The following RSRC1 variants were observed in gnomAD, a reference collection of about 807,000 sequenced individuals.
RSRC1 encodes the protein arginine and serine rich coiled-coil 1, also known as serine/Arginine-related protein 53.
A neutral mutation model predicts 49.1 loss-of-function variants in RSRC1; 39 were observed. The ratio of observed to expected loss-of-function variants is 0.79; its 90% CI spans 0.61 to 1.04. The LOEUF (loss-of-function observed/expected upper bound fraction) is 1.04, where lower values mean the gene tolerates loss of function less well. RSRC1 is among the 50% of genes least tolerant of loss of function. RSRC1 has a pLI of 0.00. For synonymous variants in RSRC1, 143 were observed against 130.8 expected, an observed-to-expected ratio of 1.09 and a Z score of -0.63; for missense variants, 388 against 402.4, an observed-to-expected ratio of 0.96 and a Z score of 0.31.
chr3:158,246,046 G>T (rs191121413), intron 4 of RSRC1, among the ~76,000 whole-genome samples: 1 of 152,124 alleles, frequency 6.6e-6, no homozygotes, highest in African/African-American at 2.4e-5. Flanking sequence ...TTTAAGGATA[G>T]CATTGTTCGC....
intron 4 of RSRC1, among the ~76,000 whole-genome samples, chr3:158,292,625 A>C (rs1727002371): frequency 6.6e-6 from 1 of 152,216 alleles, no homozygotes; most frequent in Non-Finnish European, 1.5e-5. Context: ...GAGACAGACC[A>C]CTAAAGAGGA....
chr3:158,277,791 A>T (rs996592121), intron 4 of RSRC1, among the ~76,000 whole-genome samples: 1 of 151,938 alleles, frequency 6.6e-6, no homozygotes, highest in Admixed American at 6.6e-5. Context: ...TTATTTATTT[A>T]TTTTTTGTTT....
chr3:158,258,161 A>T (rs949473985), intron 4 of RSRC1, among the ~76,000 whole-genome samples: 1 of 126,256 alleles, frequency 7.9e-6, no homozygotes, highest in Non-Finnish European at 1.7e-5. Flanking sequence ...ATGATTTCTT[A>T]TGCTCATTAA....
chr3:158,215,290 TATAG>T (rs935125672), intron 4 of RSRC1, among the ~76,000 whole-genome samples: 1 of 140,940 alleles, frequency 7.1e-6, no homozygotes, highest in Admixed American at 7.6e-5. Context: ...GTTTCTTGCA[TATAG>T]ATAGTTTTTT....
At chr3:158,328,085 G>A (rs1202969257) in intron 5 of RSRC1, among the ~76,000 whole-genome samples, 1 of 151,996 alleles carries the variant, frequency 6.6e-6, no homozygotes, top group Non-Finnish European at 1.5e-5. Context: ...CATTTGCTTG[G>A]TAGATCTTCC....
intron 3 of RSRC1, among the ~76,000 whole-genome samples, chr3:158,168,341 T>C (rs1718660229): frequency 1.3e-5 from 2 of 152,206 alleles, no homozygotes; most frequent in South Asian, 2.1e-4. Flanking sequence ...GAACCTCCAG[T>C]TGATCTAGAG....
At chr3:158,234,890 A>G (rs1288459408) in intron 4 of RSRC1, among the ~76,000 whole-genome samples, 1 of 152,160 alleles carries the variant, frequency 6.6e-6, no homozygotes, top group Non-Finnish European at 1.5e-5. Flanking sequence ...ATGTATATTC[A>G]GTCTCTGTAG....
intron 4 of RSRC1, among the ~76,000 whole-genome samples, chr3:158,286,109 A>G (rs1350647930): frequency 6.6e-6 from 1 of 152,230 alleles, no homozygotes; most frequent in African/African-American, 2.4e-5. Flanking sequence ...GCAAGTATAA[A>G]TGACCAGGTT....
intron 4 of RSRC1, among the ~76,000 whole-genome samples, chr3:158,273,002 C>T (rs1326050190): frequency 6.6e-6 from 1 of 151,808 alleles, no homozygotes; most frequent in Non-Finnish European, 1.5e-5. Flanking sequence ...TCTTATATAA[C>T]TATGAGTACT....
At chr3:158,506,034 T>C (rs1272275754) in intron 7 of RSRC1, among the ~76,000 whole-genome samples, 2 of 152,268 alleles carry the variant, frequency 1.3e-5, no homozygotes, top group Non-Finnish European at 1.5e-5. Context: ...AGGACAATGA[T>C]GTGGGCAAGG....
chr3:158,296,665 C>A lies in RSRC1; in HGVS notation c.495-1374C>A, dbSNP rs1029489786. ...TTATATAGATAGTAGCCTTCTCTCA[C>A]ACCTTGCAGTAATTTATTCTTATCA... On this transcript the variant is annotated intron_variant, in intron 4 of 9. Transcript: ENST00000611884. 3.4e-4 allele frequency among the ~76,000 whole-genome samples: 51 copies of A among 152,206 alleles called. 1 individual carries two copies. The highest frequency in any genetic ancestry group is 2.2e-3 in the Admixed American group (33 of 15,264).
intron 4 of RSRC1, among the ~76,000 whole-genome samples, chr3:158,231,286 C>T (rs1722935207): frequency 6.6e-6 from 1 of 151,664 alleles, no homozygotes; most frequent in Admixed American, 6.6e-5. Flanking sequence ...CAGGTGCGTG[C>T]CACCACACCC....
intron 5 of RSRC1, among the ~76,000 whole-genome samples, chr3:158,351,930 T>G (rs1459573900): frequency 6.8e-6 from 1 of 147,044 alleles, no homozygotes; most frequent in East Asian, 1.9e-4. Flanking sequence ...TATATATAAA[T>G]ATATATAATA....
intron 7 of RSRC1, among the ~76,000 whole-genome samples, chr3:158,515,218 A>G (rs2108480550): frequency 6.6e-6 from 1 of 151,880 alleles, no homozygotes; most frequent in East Asian, 1.9e-4. Context: ...AGTTGGCATG[A>G]TTTTGCAGCG....
intron 7 of RSRC1, among the ~76,000 whole-genome samples, chr3:158,506,891 A>C (rs1263523634): frequency 6.6e-6 from 1 of 150,504 alleles, no homozygotes; most frequent in Non-Finnish European, 1.5e-5. Flanking sequence ...TATTTTATGT[A>C]TATATCCCAA....
chr3:158,168,482 A>G (rs1718668456), intron 3 of RSRC1, among the ~76,000 whole-genome samples: 1 of 152,208 alleles, frequency 6.6e-6, no homozygotes, highest in Non-Finnish European at 1.5e-5. Context: ...TGGTTTTTCC[A>G]TGTGATTTGT....
chr3:158,199,810 CTGGAGG>C (rs981434338), intron 3 of RSRC1, among the ~76,000 whole-genome samples: 1 of 152,020 alleles, frequency 6.6e-6, no homozygotes, highest in Non-Finnish European at 1.5e-5. Flanking sequence ...TTCCATATAT[CTGGAGG>C]TTTTCTGTAT....
At chr3:158,396,334 CTAAAA>C (rs1733609273) in intron 6 of RSRC1, among the ~76,000 whole-genome samples, 1 of 151,258 alleles carries the variant, frequency 6.6e-6, no homozygotes, top group Admixed American at 6.6e-5. Flanking sequence ...ACCCCTGAAC[CTAAAA>C]TAAAAGTTTT....
intron 3 of RSRC1, among the ~76,000 whole-genome samples, chr3:158,154,619 C>A (rs1717749436): frequency 6.6e-6 from 1 of 151,990 alleles, no homozygotes; most frequent in African/African-American, 2.4e-5. Context: ...CTCATGCCAC[C>A]ATGCCCAGCT....
Sources: gnomAD v4.1 joint callset for allele counts (sites outside exome capture counted in the v4.1 genomes callset) on GRCh38, gnomAD v4.1.1 for gene constraint, MANE v1.5 for transcripts, NCBI Gene and HGNC (gene_info 2026-07-23, HGNC 2026-07-21) for gene names.